Variants in CEP41 observed in about 807,000 individuals in gnomAD.
CEP41 encodes the protein centrosomal protein of 41 kDa.
CEP41 carries 32 observed loss-of-function variants against 44.3 expected under a neutral mutation model. The observed-to-expected ratio is 0.72, with a 90% CI of 0.54 to 0.97. The LOEUF is 0.97. Ranked by LOEUF, CEP41 falls within the 50% of genes least tolerant of loss-of-function variation. The pLI is 0.00. For synonymous variants in CEP41, 151 were observed against 168.5 expected (o/e 0.90, Z 0.80); for missense variants, 432 against 455.2 (o/e 0.95, Z 0.46).
At position 130,440,979 on chromosome 7, in the gene CEP41, C is replaced by T. The variant is rs781783908; in HGVS notation, c.-13G>A. 8 of 1,612,484 alleles carry T rather than the reference C, an allele frequency of 5.0e-6. No individual in the cohort carries two copies. The highest frequency in any genetic ancestry group is 1.6e-4 in the Middle Eastern group (1 of 6,084). Reference sequence around the variant, plus strand: ...TCCGGAGGGACATATTTTCTCCAACCGACCACGTTCGGGGTTCTAGCCTCA... The same window carrying T: ...TCCGGAGGGACATATTTTCTCCAACTGACCACGTTCGGGGTTCTAGCCTCA... On this transcript the variant is annotated 5_prime_UTR_variant, in exon 1 of 11. Coordinates refer to ENST00000223208, the MANE Select transcript of CEP41 (RefSeq NM_018718.3).
chr7:130,429,932 G>T (rs918878371), intron 1 of CEP41, among the ~76,000 whole-genome samples: 1 of 152,178 alleles, frequency 6.6e-6, no homozygotes, highest in African/African-American at 2.4e-5. Flanking sequence ...AGTGAATACC[G>T]AAAATGAAGA....
chr7:130,430,041 T>G (rs1298950621), intron 1 of CEP41, among the ~76,000 whole-genome samples: 1 of 152,174 alleles, frequency 6.6e-6, no homozygotes, highest in African/African-American at 2.4e-5. Flanking sequence ...GCATACTCTG[T>G]CAGGAAGATT....
chr7:130,421,175 C>T (rs1449714816), intron 2 of CEP41: 1 of 985,374 alleles, frequency 1.0e-6, no homozygotes, highest in Non-Finnish European at 1.2e-6. Context: ...GTGAATGAGT[C>T]ATTCATTAGA....
At chr7:130,411,248 T>G in intron 4 of CEP41, 57 bp from the exon 5 acceptor site, 1 of 1,423,944 alleles carries the variant, frequency 7.0e-7, no homozygotes, top group South Asian at 1.1e-5. Context: ...ACAGACGCAA[T>G]TTTGTCTTTT....
intron 6 of CEP41, 140 bp downstream of exon 6, chr7:130,404,424 T>G: frequency 1.4e-6 from 1 of 699,186 alleles, no homozygotes; most frequent in Non-Finnish European, 2.5e-6. Flanking sequence ...AAAGATAAAG[T>G]AGAAGGCTGG....
At chr7:130,422,685 G>A (rs528864623) in intron 2 of CEP41, among the ~76,000 whole-genome samples, 2 of 152,082 alleles carry the variant, frequency 1.3e-5, no homozygotes, top group South Asian at 2.1e-4. Context: ...AAAAAAAATC[G>A]AACACTAGAA....
intron 2 of CEP41, among the ~76,000 whole-genome samples, chr7:130,423,371 C>T (rs1797566321): frequency 6.6e-6 from 1 of 152,168 alleles, no homozygotes; most frequent in South Asian, 2.1e-4. Flanking sequence ...TAAAAAGGTG[C>T]TCAAACATTA....
chr7:130,422,010 A>G, intron 2 of CEP41: 1 of 1,535,934 alleles, frequency 6.5e-7, no homozygotes, highest in South Asian at 1.2e-5. Flanking sequence ...ACAGGCACCT[A>G]TGGAACAAAA....
intron 1 of CEP41, among the ~76,000 whole-genome samples, chr7:130,439,338 T>A (rs1798069565): frequency 8.6e-6 from 1 of 116,874 alleles, no homozygotes; most frequent in African/African-American, 3.4e-5. Context: ...TAGTAGGCTA[T>A]TAGTAGTTAA....
Position 130,400,221 on chromosome 7 carries a change from C to T in CEP41, c.791G>A (p.Gly264Glu). 2.5e-6 allele frequency: 4 copies of T among 1,613,830 alleles called. No homozygotes were observed. The highest frequency in any genetic ancestry group is 3.4e-6 in the Non-Finnish European group (4 of 1,179,876). The part of the protein sequence containing the change: ...LKVLAQKFPE[G>E]LITGSLPASC... ...TGCTGGCAGGGAACCAGTAATCAGT[C>T]CTTCCGGGAATTTCTGAGCTAAGAC... The change falls in exon 10 of 11, where the codon GGA becomes GAA. Residue 264 changes from glycine (G) to glutamate (E), a missense_variant. By Grantham distance (98) the Gly-to-Glu change is moderately conservative. Coordinates refer to ENST00000223208, the MANE Select transcript of CEP41 (RefSeq NM_018718.3).
chr7:130,441,330 G>C (rs1371264355), upstream of CEP41: 4 of 431,448 alleles, frequency 9.3e-6, no homozygotes, highest in Non-Finnish European at 1.7e-5. Flanking sequence ...GACAAAACAC[G>C]AGTTTTAGCT....
At chr7:130,438,762 T>C (rs1798051204) in intron 1 of CEP41, among the ~76,000 whole-genome samples, 1 of 152,172 alleles carries the variant, frequency 6.6e-6, no homozygotes, top group Non-Finnish European at 1.5e-5. Flanking sequence ...ACTGCCATTC[T>C]CCTCACCTAT....
intron 2 of CEP41, chr7:130,421,458 GTT>G (rs1797506332): frequency 5.1e-6 from 5 of 984,782 alleles, no homozygotes; most frequent in African/African-American, 1.7e-5. Flanking sequence ...GTGCTTTCTG[GTT>G]TATAAAAGCC....
intron 2 of CEP41, chr7:130,420,973 T>A: frequency 1.0e-6 from 1 of 982,584 alleles, no homozygotes; most frequent in Non-Finnish European, 1.2e-6. Flanking sequence ...ATGTGCTACA[T>A]ATATGACTCA....
chr7:130,398,614 T>C lies in CEP41; in HGVS notation c.*277A>G, dbSNP rs886062001. 9 of 618,234 alleles carry C rather than the reference T, an allele frequency of 1.5e-5. No individual in the cohort carries two copies. Among genetic ancestry groups the C allele is most frequent in the Non-Finnish European group, 2.7e-5 (9 of 332,804 alleles). 38.3% of individuals were successfully genotyped at this position (618,234 alleles called of 1,614,324 possible). ...AAAACTAAAAACGTAGATACTTTTT[T>C]CCTATACAGTTTCACAAGACTTAAA... On this transcript the variant is annotated 3_prime_UTR_variant, in exon 11 of 11. Transcript: ENST00000223208.
In CEP41 at chr7:130,394,972, C is replaced by A. The variant is rs1288454397; in HGVS notation, c.*3919G>T. ...ACACAGGTGAGAATTTGCTTCTGTACAGAACAAAGAGGATCAGCAACAGAG... is the reference window on the plus strand; with the variant it reads ...ACACAGGTGAGAATTTGCTTCTGTAAAGAACAAAGAGGATCAGCAACAGAG... On this transcript the variant is annotated 3_prime_UTR_variant, in exon 11 of 11. Transcript: ENST00000223208. The A allele has an allele frequency of 8.8e-6, 4 of 453,940 alleles. No homozygotes were observed. Among genetic ancestry groups the A allele is most frequent in the African/African-American group, 4.0e-5 (2 of 49,972 alleles). The allele number at this position is 453,940 out of a possible 1,614,324, so 28.1% of individuals were successfully genotyped here.
At position 130,394,213 on chromosome 7, in the gene CEP41, AG is replaced by A. The variant is rs1554413569; in HGVS notation, c.*4677del. 2 of 454,060 alleles carry A rather than the reference AG, an allele frequency of 4.4e-6. No individual in the cohort carries two copies. Among genetic ancestry groups the A allele is most frequent in the East Asian group, 1.4e-4 (2 of 14,376 alleles). 28.1% of individuals were successfully genotyped at this position (454,060 alleles called of 1,614,324 possible). On this transcript the variant is annotated 3_prime_UTR_variant, in exon 11 of 11. Transcript: ENST00000223208. ...GAGTGGCTGAAAGAACACCCTCTGGAGCCACAGTTCTCAGGCTGGCTCCTGG... is the reference window on the plus strand; with the variant it reads ...GAGTGGCTGAAAGAACACCCTCTGGACCACAGTTCTCAGGCTGGCTCCTGG...
chr7:130,414,927 C>T (rs1375305760), intron 3 of CEP41, among the ~76,000 whole-genome samples: 3 of 152,158 alleles, frequency 2.0e-5, no homozygotes, highest in Non-Finnish European at 4.4e-5. Flanking sequence ...AGGTGTGCTT[C>T]TCCAGTAAGT....
chr7:130,440,900 C>G (rs1554427499), intron 1 of CEP41, 34 bp downstream of exon 1: 1 of 1,608,604 alleles, frequency 6.2e-7, no homozygotes, highest in Non-Finnish European at 8.5e-7. Flanking sequence ...TGCGCCCGCC[C>G]CCTCCGGCTC....
Sources: gnomAD v4.1 joint callset for allele counts (sites outside exome capture counted in the v4.1 genomes callset) on GRCh38, gnomAD v4.1.1 for gene constraint, MANE v1.5 for transcripts, NCBI Gene and HGNC (gene_info 2026-07-23, HGNC 2026-07-21) for gene names.